Variants in CTNNA2 observed in about 807,000 individuals in gnomAD.
CTNNA2 encodes the protein catenin alpha 2.
A neutral mutation model predicts 101.0 loss-of-function variants in CTNNA2; 42 were observed. The observed-to-expected ratio is 0.42, with a 90% confidence interval of 0.32 to 0.54. The LOEUF is 0.54. CTNNA2 is among the 20% of genes least tolerant of loss of function. The pLI is 0.14. For missense variants in CTNNA2, 871 were observed against 1,223.1 expected, an observed-to-expected ratio of 0.71 and a Z score of 4.29; for synonymous variants, 450 against 456.4, an observed-to-expected ratio of 0.99 and a Z score of 0.18.
chr2:80,517,227 A>C (rs1689178748), intron 9 of CTNNA2, among the ~76,000 whole-genome samples: 1 of 152,252 alleles, frequency 6.6e-6, no homozygotes, highest in African/African-American at 2.4e-5. Context: ...CATGGAACAC[A>C]AAATAAATCG....
intron 2 of CTNNA2, among the ~76,000 whole-genome samples, chr2:79,271,153 A>G (rs1675072323): frequency 6.6e-6 from 1 of 151,986 alleles, no homozygotes; most frequent in Non-Finnish European, 1.5e-5. Flanking sequence ...AATAATAAAT[A>G]TATTCTCCCT....
chr2:80,300,852 C>T (rs1274468423), intron 7 of CTNNA2, among the ~76,000 whole-genome samples: 4 of 151,962 alleles, frequency 2.6e-5, no homozygotes, highest in Non-Finnish European at 4.4e-5. Flanking sequence ...CCACTACCAC[C>T]ACCTCCTCAC....
At chr2:80,063,583 C>A (rs528222314) in intron 7 of CTNNA2, among the ~76,000 whole-genome samples, 4 of 152,246 alleles carry the variant, frequency 2.6e-5, no homozygotes, top group Non-Finnish European at 4.4e-5. Context: ...ACCTGATTAA[C>A]AGTATTTGCC....
At position 79,438,585 on chromosome 2, in the gene CTNNA2, G is replaced by T. The variant is rs554115014; in HGVS notation, c.-135+64572G>T. ...GGCCTCTACGCACTAGATGCCAGTA[G>T]GACTCCCCCAGTTGAGACAACCAAA... On this transcript the variant is annotated intron_variant, in intron 4 of 21. Coordinates refer to the CTNNA2 transcript ENST00000466387. Among the ~76,000 whole-genome samples, 18 of 152,214 alleles carry T rather than the reference G, an allele frequency of 1.2e-4. No individual in the cohort carries two copies. The South Asian group carries it at 3.7e-3, about 32-fold the overall frequency.
chr2:79,926,811 A>G (rs1411606299), intron 7 of CTNNA2, among the ~76,000 whole-genome samples: 1 of 151,882 alleles, frequency 6.6e-6, no homozygotes, highest in Non-Finnish European at 1.5e-5. Context: ...AATAATATGC[A>G]ATAGAATGAG....
chr2:80,113,872 G>A (rs996764754), intron 7 of CTNNA2, among the ~76,000 whole-genome samples: 1 of 152,176 alleles, frequency 6.6e-6, no homozygotes. Flanking sequence ...GATATTGTGT[G>A]CATTTCTGGA....
At chr2:80,497,121 G>T (rs1354156409) in intron 9 of CTNNA2, among the ~76,000 whole-genome samples, 1 of 152,174 alleles carries the variant, frequency 6.6e-6, no homozygotes, top group African/African-American at 2.4e-5. Context: ...CTGAGCATGT[G>T]CTTGAGTTTG....
At chr2:80,163,500 T>A (rs1704468529) in intron 7 of CTNNA2, among the ~76,000 whole-genome samples, 1 of 152,126 alleles carries the variant, frequency 6.6e-6, no homozygotes, top group African/African-American at 2.4e-5. Flanking sequence ...TTTTAATTTG[T>A]TGATGCTGGT....
intron 4 of CTNNA2, among the ~76,000 whole-genome samples, chr2:79,868,999 C>CAA (rs1270159963): frequency 5.3e-5 from 8 of 152,036 alleles, no homozygotes; most frequent in Non-Finnish European, 8.8e-5. Flanking sequence ...AAAGGTTTAC[C>CAA]AATTGTGGAA....
At chr2:80,105,606 G>A (rs371015147) in intron 7 of CTNNA2, among the ~76,000 whole-genome samples, 7 of 152,080 alleles carry the variant, frequency 4.6e-5, no homozygotes, top group African/African-American at 1.2e-4. Context: ...CATGGTTGGC[G>A]CATGGCTGTG....
At chr2:79,782,173 TTAA>T (rs1243175063) in intron 3 of CTNNA2, among the ~76,000 whole-genome samples, 2 of 151,910 alleles carry the variant, frequency 1.3e-5, no homozygotes, top group East Asian at 1.9e-4. Context: ...AAAATGAAAA[TTAA>T]TAAGCAAACT....
intron 17 of CTNNA2, 64 bp from the exon 18 acceptor site, chr2:80,619,021 A>G: frequency 1.4e-6 from 1 of 706,706 alleles, no homozygotes; most frequent in Non-Finnish European, 2.1e-6. Context: ...CAAGTAGGGT[A>G]CTTTTTTTTT....
chr2:80,280,659 G>T (rs923561216), intron 7 of CTNNA2, among the ~76,000 whole-genome samples: 1 of 151,984 alleles, frequency 6.6e-6, no homozygotes, highest in Non-Finnish European at 1.5e-5. Context: ...CACAGTCAAG[G>T]GTGGTCCAAA....
At chr2:79,617,453 A>T (rs974277651) in intron 1 of CTNNA2, among the ~76,000 whole-genome samples, 2 of 152,136 alleles carry the variant, frequency 1.3e-5, no homozygotes, top group East Asian at 3.9e-4. Flanking sequence ...GATCAGTTTC[A>T]CCATATCTTC....
Position 79,441,093 on chromosome 2 carries a change from C to T in CTNNA2, c.-134-63961C>T, listed in dbSNP as rs983730234. Among the ~76,000 whole-genome samples the T allele has an allele frequency of 3.9e-5, 6 of 152,148 alleles. No individual in the cohort carries two copies. In the South Asian group the frequency reaches 1.2e-3, roughly 32 times the overall value. On this transcript the variant is annotated intron_variant, in intron 4 of 21. Coordinates refer to the CTNNA2 transcript ENST00000466387. ...AGGAACTGACTGTTACAAAGGTATT[C>T]ACACCCCCAGAATGGAGCAGTTCAC... is the stretch of plus-strand genomic sequence containing the variant.
chr2:79,627,991 A>T (rs373016250), intron 1 of CTNNA2, among the ~76,000 whole-genome samples: 93 of 152,306 alleles, frequency 6.1e-4, no homozygotes, highest in South Asian at 3.7e-3. Flanking sequence ...TATTCTTTGA[A>T]TATATATTTT....
intron 3 of CTNNA2, among the ~76,000 whole-genome samples, chr2:79,767,243 G>A (rs568703418): frequency 2.0e-3 from 298 of 152,022 alleles, no homozygotes; most frequent in African/African-American, 6.9e-3. Flanking sequence ...AATTTTGAAT[G>A]TCTTCTCTGT....
intron 2 of CTNNA2, among the ~76,000 whole-genome samples, chr2:79,243,269 G>A (rs185172802): frequency 2.0e-5 from 3 of 152,096 alleles, no homozygotes; most frequent in African/African-American, 4.8e-5. Flanking sequence ...TGTAGTTAAG[G>A]GAACTATCCC....
At position 79,403,826 on chromosome 2, in the gene CTNNA2, G is replaced by A. The variant is rs77019712; in HGVS notation, c.-135+29813G>A. Among the ~76,000 whole-genome samples the A allele has an allele frequency of 7.6e-3, 1,153 of 152,072 alleles. 42 individuals are homozygous for A. In the East Asian group the frequency reaches 0.08, roughly 11 times the overall value. On this transcript the variant is annotated intron_variant, in intron 4 of 21. Coordinates refer to the CTNNA2 transcript ENST00000466387. ...GAAACTTCATTGAGTGTTGATGGGG[G>A]TGTAATTAACATAGTTGTTGTGGAA...
Sources: allele counts gnomAD v4.1 joint callset (sites outside exome capture counted in the v4.1 genomes callset), GRCh38; gene constraint gnomAD v4.1.1; transcripts MANE v1.5; gene names NCBI Gene and HGNC (gene_info 2026-07-23, HGNC 2026-07-21).